The following HDAC2 variants were observed in gnomAD, a reference collection of about 807,000 sequenced individuals.
HDAC2 encodes YY1-associated factor 1.
In HDAC2, 5 loss-of-function variants were observed where a neutral mutation model predicts 68.5. The observed-to-expected ratio is 0.07, with a 90% confidence interval of 0.04 to 0.15. The LOEUF is 0.15. Among genes scored for constraint, HDAC2 ranks in the 10% least tolerant of loss-of-function variants. The pLI, the probability that HDAC2 is intolerant of heterozygous loss-of-function variation, is 1.00. For missense variants in HDAC2, 291 were observed against 600.8 expected (o/e 0.48, Z 5.39); for synonymous variants, 182 against 191.3 (o/e 0.95, Z 0.40).
In HDAC2 at chr6:113,943,356, T is replaced by C. The variant is rs759195320; in HGVS notation, c.1373A>G (p.Lys458Arg). ...TACCAAGAAACAAATCTGACCTGTT[T>C]TTTTGTCCTCTGTTTCTTTCTTATC... ...EEDKKETEDK[K>R]TDVKEEDKSK... is the part of the protein sequence containing the mutation. The change falls in exon 12 of 14, where the codon AAA becomes AGA. Residue 458 changes from lysine (K) to arginine (R), a missense_variant. Coordinates refer to ENST00000519065, the MANE Select transcript of HDAC2 (RefSeq NM_001527.4). 28 of 1,595,744 alleles carry C rather than the reference T, an allele frequency of 1.8e-5. No individual in the cohort carries two copies. Among genetic ancestry groups the C allele is most frequent in the Non-Finnish European group, 2.3e-5 (27 of 1,174,722 alleles).
intron 6 of HDAC2, among the ~76,000 whole-genome samples, chr6:113,952,544 A>T (rs1776444896): frequency 6.6e-6 from 1 of 152,228 alleles, no homozygotes; most frequent in Non-Finnish European, 1.5e-5. Flanking sequence ...ACTTTGTTCA[A>T]TGCCATATAA....
intron 1 of HDAC2, among the ~76,000 whole-genome samples, 189 bp from the exon 2 acceptor site, chr6:113,960,207 C>G (rs1381898062): frequency 6.6e-6 from 1 of 152,022 alleles, no homozygotes; most frequent in Admixed American, 6.5e-5. Flanking sequence ...CACACTTTTA[C>G]CAGCTGAAGA....
intron 6 of HDAC2, among the ~76,000 whole-genome samples, chr6:113,949,783 G>A (rs1776361158): frequency 6.6e-6 from 1 of 151,432 alleles, no homozygotes; most frequent in Non-Finnish European, 1.5e-5. Flanking sequence ...CACCAGATTT[G>A]TTCTTTTTTT....
At chr6:113,956,357 T>C in intron 4 of HDAC2, 2 of 570,200 alleles carry the variant, frequency 3.5e-6, no homozygotes, top group South Asian at 2.6e-5. Flanking sequence ...TAATGGTTTA[T>C]GTGGAAAGTG....
Position 113,956,081 on chromosome 6 carries a change from A to G in HDAC2, c.429T>C (p.Ala143=). The G allele has an allele frequency of 6.2e-7, 1 of 1,613,120 alleles. No individual in the cohort carries two copies. Among genetic ancestry groups the G allele is most frequent in the Non-Finnish European group, 8.5e-7 (1 of 1,179,472 alleles). The change falls in exon 5 of 14, where the codon GCT becomes GCC. Residue 143 remains alanine (A), a synonymous_variant. Coordinates refer to ENST00000519065, the MANE Select transcript of HDAC2 (RefSeq NM_001527.4). The part of the protein sequence containing the change: ...AVNWAGGLHH[A]KKSEASGFCY... ...AGAATCCTGATGCTTCTGATTTCTT[A>G]GCATGATGTAATCCTCCAGCCCAAT...
chr6:113,948,799 T>C (rs1582481775), intron 8 of HDAC2, 180 bp downstream of exon 8: 1 of 576,792 alleles, frequency 1.7e-6, no homozygotes, highest in Non-Finnish European at 2.9e-6. Flanking sequence ...TATATATAAA[T>C]CTGCCATAAT....
Position 113,940,468 on chromosome 6 carries a change from A to G in HDAC2, c.*590T>C, listed in dbSNP as rs1233948028. 1 of 152,256 alleles carries G rather than the reference A, an allele frequency of 6.6e-6. No individual in the cohort carries two copies. Among genetic ancestry groups the G allele is most frequent in the Non-Finnish European group, 1.5e-5 (1 of 68,060 alleles). 9.4% of individuals were successfully genotyped at this position (152,256 alleles called of 1,614,324 possible). ...AATTGCAGAGTCTGTATTATTTCAT[A>G]AATTGTAATGGGATGTTAATCTTCA... On this transcript the variant is annotated 3_prime_UTR_variant, in exon 14 of 14. Transcript: ENST00000519065.
intron 1 of HDAC2, among the ~76,000 whole-genome samples, chr6:113,964,761 GAATTC>G (rs1776771907): frequency 1.3e-5 from 2 of 152,120 alleles, no homozygotes; most frequent in Admixed American, 1.3e-4. Context: ...CTTTTCACTT[GAATTC>G]AATAAGGATC....
intron 12 of HDAC2, among the ~76,000 whole-genome samples, chr6:113,942,228 A>G (rs985527540): frequency 3.9e-5 from 6 of 152,140 alleles, no homozygotes; most frequent in African/African-American, 1.4e-4. Flanking sequence ...AAAATCCTAC[A>G]GCTAAAGTTA....
chr6:113,956,470 G>A, intron 4 of HDAC2, 149 bp downstream of exon 4: 1 of 626,570 alleles, frequency 1.6e-6, no homozygotes, highest in Non-Finnish European at 2.8e-6. Context: ...ATAGAGGTTT[G>A]AAAGTAAATT....
Position 113,949,007 on chromosome 6 carries a change from T to C in HDAC2, c.813A>G (p.Arg271=), listed in dbSNP as rs1191600971. The change falls in exon 8 of 14, where the codon AGA becomes AGG. Residue 271 remains arginine (R), a synonymous_variant. Transcript: ENST00000519065. ...QCGADSLSGD[R]LGCFNLTVKG... The stretch of plus-strand genomic sequence containing the variant: ...TGACTGTTAGATTGAAACAACCCAG[T>C]CTATCACCAGATAATGAGTCTGCAC... 6.2e-7 allele frequency: 1 copy of C among 1,613,952 alleles called. No homozygotes were observed. Among genetic ancestry groups the C allele is most frequent in the Admixed American group, 1.7e-5 (1 of 60,010 alleles).
chr6:113,966,409 AG>A (rs1776819694), intron 1 of HDAC2, among the ~76,000 whole-genome samples: 1 of 151,948 alleles, frequency 6.6e-6, no homozygotes, highest in Non-Finnish European at 1.5e-5. Flanking sequence ...AAAATTAGCC[AG>A]GGGTGGTGGC....
At chr6:113,965,492 C>T (rs1485953359) in intron 1 of HDAC2, among the ~76,000 whole-genome samples, 1 of 152,114 alleles carries the variant, frequency 6.6e-6, no homozygotes, top group Admixed American at 6.5e-5. Flanking sequence ...CCTCAGCCTC[C>T]CAAGTAGCTG....
intron 1 of HDAC2, among the ~76,000 whole-genome samples, chr6:113,968,079 G>C (rs1432950795): frequency 6.6e-6 from 1 of 152,210 alleles, no homozygotes; most frequent in Non-Finnish European, 1.5e-5. Flanking sequence ...CTTTCATTAA[G>C]ATGCAAACAG....
At chr6:113,966,837 G>A (rs1776835229) in intron 1 of HDAC2, among the ~76,000 whole-genome samples, 2 of 152,214 alleles carry the variant, frequency 1.3e-5, no homozygotes, top group Admixed American at 1.3e-4. Context: ...TGGGGAAAGA[G>A]AAGTATAGGA....
At chr6:113,965,716 C>T (rs1776797260) in intron 1 of HDAC2, among the ~76,000 whole-genome samples, 1 of 152,176 alleles carries the variant, frequency 6.6e-6, no homozygotes, top group South Asian at 2.1e-4. Context: ...CTTCTTAGGA[C>T]TTGAGCAATC....
Position 113,934,117 on chromosome 6 carries a change from A to G in HDAC2, c.*6941T>C, listed in dbSNP as rs2114575630. ...AAGCCTATCCTATTCAACAACCAAGAAATAGATTTCATACCTATTACACAT... is the reference window on the plus strand; with the variant it reads ...AAGCCTATCCTATTCAACAACCAAGGAATAGATTTCATACCTATTACACAT... On this transcript the variant is annotated 3_prime_UTR_variant, in exon 14 of 14. Transcript: ENST00000519065. The G allele has an allele frequency of 6.6e-6, 1 of 152,286 alleles. No individual in the cohort carries two copies. The highest frequency in any genetic ancestry group is 1.9e-4 in the East Asian group (1 of 5,176). The allele number at this position is 152,286 out of a possible 1,614,324, so 9.4% of individuals were successfully genotyped here.
chr6:113,970,962 T>G lies in HDAC2; in HGVS notation c.-54A>C. ...CTCCTCCTCCTGCTGCTGCTGCTGC[T>G]GCTGCTGCCGCCGCGGCTCGGCCGG... On this transcript the variant is annotated 5_prime_UTR_variant, in exon 1 of 14. Transcript: ENST00000519065. The G allele has an allele frequency of 6.4e-7, 1 of 1,563,504 alleles. No homozygotes were observed. The highest frequency in any genetic ancestry group is 8.7e-7 in the Non-Finnish European group (1 of 1,153,880).
rs545537659 is a variant in HDAC2, at chr6:113,936,640, C to T, written c.*4418G>A. On this transcript the variant is annotated 3_prime_UTR_variant, in exon 14 of 14. Coordinates refer to ENST00000519065, the MANE Select transcript of HDAC2 (RefSeq NM_001527.4). ...AACCCATCTGGCATCTAAAGGAACACTCAAAAATTTAACACTTCCCCTGGC... is the reference window on the plus strand; with the variant it reads ...AACCCATCTGGCATCTAAAGGAACATTCAAAAATTTAACACTTCCCCTGGC... 6.6e-6 allele frequency: 1 copy of T among 152,388 alleles called. No homozygotes were observed. The highest frequency in any genetic ancestry group is 6.5e-5 in the Admixed American group (1 of 15,292). The allele number at this position is 152,388 out of a possible 1,614,324, so 9.4% of individuals were successfully genotyped here.
Sources: gnomAD v4.1 joint callset for allele counts (sites outside exome capture counted in the v4.1 genomes callset) on GRCh38, gnomAD v4.1.1 for gene constraint, MANE v1.5 for transcripts, NCBI Gene and HGNC (gene_info 2026-07-23, HGNC 2026-07-21) for gene names.